The following PATJ variants were observed in gnomAD, a reference collection of about 807,000 sequenced individuals.
The protein encoded by PATJ is inaD-like protein.
PATJ carries 190 observed loss-of-function variants against 224.9 expected under a neutral mutation model. The observed-to-expected ratio is 0.84, with a 90% CI of 0.75 to 0.95. The LOEUF (loss-of-function observed/expected upper bound fraction) is 0.95, where lower values mean the gene tolerates loss of function less well. Ranked by LOEUF, PATJ falls within the 40% of genes least tolerant of loss-of-function variation. The probability of loss-of-function intolerance (pLI) is 0.00; values close to 1 mark genes in which losing one functional copy is unlikely to be tolerated. For missense variants in PATJ, 2,121 were observed against 2,270.3 expected, an observed-to-expected ratio of 0.93 and a Z score of 1.34; for synonymous variants, 769 against 820.3, an observed-to-expected ratio of 0.94 and a Z score of 1.07.
At chr1:61,868,352 A>G (rs1458724964) in intron 20 of PATJ, among the ~76,000 whole-genome samples, 1 of 152,104 alleles carries the variant, frequency 6.6e-6, no homozygotes, top group Non-Finnish European at 1.5e-5. Context: ...TTTATTTTCT[A>G]TCTCTAAGAA....
chr1:62,125,885 T>C lies in PATJ; in HGVS notation c.5044-2087T>C, dbSNP rs146834124. Among the ~76,000 whole-genome samples the C allele has an allele frequency of 5.9e-3, 894 of 152,258 alleles. 7 individuals are homozygous for C. The highest frequency in any genetic ancestry group is 7.6e-3 in the Non-Finnish European group (518 of 68,006). ...CCCAGGTTCAAGTCATTCTCCTCCC[T>C]CAGCCTCCCAGGTAATTGGGATTAC... On this transcript the variant is annotated intron_variant, in intron 39 of 43. Transcript: ENST00000642238.
chr1:62,080,596 T>C (rs1222188185), intron 32 of PATJ, among the ~76,000 whole-genome samples: 1 of 152,180 alleles, frequency 6.6e-6, no homozygotes, highest in African/African-American at 2.4e-5. Context: ...CCTCCAAAAG[T>C]GCTGGGATTA....
At chr1:61,927,976 C>T (rs1571334991) in intron 27 of PATJ, 147 bp downstream of exon 27, 2 of 598,920 alleles carry the variant, frequency 3.3e-6, no homozygotes, top group East Asian at 5.9e-5. Context: ...ACCTTTGAAG[C>T]TTTTGTGGCG....
intron 22 of PATJ, among the ~76,000 whole-genome samples, chr1:61,896,302 A>G (rs1670356502): frequency 6.6e-6 from 1 of 151,498 alleles, no homozygotes; most frequent in African/African-American, 2.4e-5. Flanking sequence ...TCTCAAAAAA[A>G]AAAAAAATTT....
In PATJ at chr1:61,861,569, AGTT is replaced by A. The variant is rs764051399; in HGVS notation, c.2345_2347del (p.Cys782del). The A allele has an allele frequency of 5.0e-6, 7 of 1,400,822 alleles. No homozygotes were observed. Among genetic ancestry groups the A allele is most frequent in the Non-Finnish European group, 6.8e-6 (7 of 1,027,946 alleles). 86.8% of individuals were successfully genotyped at this position (1,400,822 alleles called of 1,614,324 possible). On this transcript the variant is annotated inframe_deletion, in exon 19 of 44. Coordinates refer to ENST00000642238, the MANE Select transcript of PATJ (RefSeq NM_001350145.3). The stretch of plus-strand genomic sequence containing the variant: ...TTTTCAGGAAGATAATGAAGAAGAA[AGTT>A]GTTATATTTTACATTCAAGCAGTAA...
chr1:61,824,001 A>G (rs1657757902), intron 15 of PATJ, among the ~76,000 whole-genome samples: 1 of 152,136 alleles, frequency 6.6e-6, no homozygotes, highest in African/African-American at 2.4e-5. Flanking sequence ...TGTTCAAGGG[A>G]ATGGTATTAG....
chr1:62,155,713 A>G (rs1366620687), intron 43 of PATJ, among the ~76,000 whole-genome samples: 4 of 150,846 alleles, frequency 2.7e-5, no homozygotes, highest in Non-Finnish European at 5.9e-5. Context: ...AAAAAAAGAC[A>G]AATTTCTAAG....
chr1:61,966,686 C>CAAAAAAA (rs200855600), intron 27 of PATJ, among the ~76,000 whole-genome samples: 1 of 86,386 alleles, frequency 1.2e-5, no homozygotes, highest in East Asian at 5.6e-4. Flanking sequence ...GACTTCATCT[C>CAAAAAAA]AAAAAAAAAA....
At chr1:62,067,731 T>C (rs1188454524) in intron 31 of PATJ, among the ~76,000 whole-genome samples, 1 of 152,144 alleles carries the variant, frequency 6.6e-6, no homozygotes, top group Non-Finnish European at 1.5e-5. Flanking sequence ...CATTAGTGTT[T>C]GTTTGTTGTT....
intron 28 of PATJ, among the ~76,000 whole-genome samples, chr1:62,006,818 T>C (rs1289227470): frequency 1.6e-4 from 25 of 152,212 alleles, no homozygotes; most frequent in Admixed American, 1.6e-3. Flanking sequence ...ATGGCAGGGA[T>C]ACATTTCTGA....
In PATJ at chr1:61,845,531, C is replaced by T. The variant is rs181910078; in HGVS notation, c.2113-10499C>T. ...TCACCTGGCCAAAGCTCTTCACTGACATAATTTTTATTTATTTATTTATTT... is the reference window on the plus strand; with the variant it reads ...TCACCTGGCCAAAGCTCTTCACTGATATAATTTTTATTTATTTATTTATTT... On this transcript the variant is annotated intron_variant, in intron 17 of 43. Coordinates refer to ENST00000642238, the MANE Select transcript of PATJ (RefSeq NM_001350145.3). 3.1e-3 allele frequency among the ~76,000 whole-genome samples: 474 copies of T among 152,324 alleles called. 6 individuals are homozygous for T. Among genetic ancestry groups the T allele is most frequent in the African/African-American group, 0.01 (432 of 41,578 alleles).
intron 27 of PATJ, among the ~76,000 whole-genome samples, chr1:61,984,486 T>C (rs1644635624): frequency 6.6e-6 from 1 of 151,966 alleles, no homozygotes. Flanking sequence ...TTCTTTAATG[T>C]TTCAGGGTTG....
chr1:62,145,845 C>T (rs1290983193), intron 41 of PATJ, among the ~76,000 whole-genome samples: 4 of 151,306 alleles, frequency 2.6e-5, no homozygotes, highest in African/African-American at 9.7e-5. Context: ...GTAATCCCAG[C>T]TACTTGGGAC....
chr1:61,796,769 T>G (rs1047878822), intron 10 of PATJ, among the ~76,000 whole-genome samples: 7 of 147,732 alleles, frequency 4.7e-5, no homozygotes, highest in African/African-American at 1.5e-4. Context: ...TCCTTTCTAT[T>G]TTCTTCCCCT....
chr1:61,801,497 A>G (rs1016467342), intron 11 of PATJ, 126 bp from the exon 12 acceptor site: 5 of 500,816 alleles, frequency 1.0e-5, no homozygotes, highest in African/African-American at 5.8e-5. Flanking sequence ...CAGATTTAAT[A>G]AGGTTGTGAA....
At chr1:61,793,334 A>G (rs886296108) in intron 9 of PATJ, among the ~76,000 whole-genome samples, 1 of 152,234 alleles carries the variant, frequency 6.6e-6, no homozygotes, top group South Asian at 2.1e-4. Context: ...AGAAGGCGGC[A>G]TTTGAGCTAT....
At chr1:61,845,344 G>A (rs754877270) in intron 17 of PATJ, among the ~76,000 whole-genome samples, 8 of 152,180 alleles carry the variant, frequency 5.3e-5, no homozygotes, top group Non-Finnish European at 8.8e-5. Flanking sequence ...GGTATAGTCT[G>A]TAGACCAAAA....
chr1:62,113,527 T>C (rs1279372958), intron 34 of PATJ, among the ~76,000 whole-genome samples: 1 of 151,906 alleles, frequency 6.6e-6, no homozygotes, highest in East Asian at 1.9e-4. Flanking sequence ...TCCCAGAAAC[T>C]CAGGAGGCTG....
At position 61,822,394 on chromosome 1, in the gene PATJ, C is replaced by T. The variant is rs968827561; in HGVS notation, c.1684-551C>T. ...CTGAGATTGCACCACTATGCTTCTG[C>T]ACTCCAGCCTAGGCAACAGAGCGAG... On this transcript the variant is annotated intron_variant, in intron 14 of 43. Coordinates refer to ENST00000642238, the MANE Select transcript of PATJ (RefSeq NM_001350145.3). Among the ~76,000 whole-genome samples the T allele has an allele frequency of 2.0e-5, 3 of 148,548 alleles. No homozygotes were observed. The Admixed American group carries it at 2.0e-4, about 10-fold the overall frequency.
Sources: gnomAD v4.1 joint callset for allele counts (sites outside exome capture counted in the v4.1 genomes callset) on GRCh38, gnomAD v4.1.1 for gene constraint, MANE v1.5 for transcripts, NCBI Gene and HGNC (gene_info 2026-07-23, HGNC 2026-07-21) for gene names.